Variants in TMPRSS11D observed in about 807,000 individuals in gnomAD.
The protein encoded by TMPRSS11D is transmembrane serine protease 11D, also known as transmembrane protease serine 11D.
In TMPRSS11D, 32 loss-of-function variants were observed where a neutral mutation model predicts 44.4. That is an observed-to-expected ratio of 0.72 (90% CI 0.54 to 0.97). The LOEUF (loss-of-function observed/expected upper bound fraction) is 0.97, where lower values mean the gene tolerates loss of function less well. Ranked by LOEUF, TMPRSS11D falls within the 50% of genes least tolerant of loss-of-function variation. The pLI is 0.00. For missense variants in TMPRSS11D, 446 were observed against 502.6 expected, an observed-to-expected ratio of 0.89 and a Z score of 1.08; for synonymous variants, 179 against 177.9, an observed-to-expected ratio of 1.01 and a Z score of -0.05.
rs545420415 is a variant in TMPRSS11D at position 67,861,073 on chromosome 4, T to C, written c.9-1395A>G. ...ATTGACCATGTTCAAGCATGATCAC[T>C]TTTAAAAAGAGCATTTAAGTATATA... On this transcript the variant is annotated intron_variant, in intron 1 of 9. Coordinates refer to ENST00000283916, the MANE Select transcript of TMPRSS11D (RefSeq NM_004262.3). Among the ~76,000 whole-genome samples, 506 of 148,688 alleles carry C rather than the reference T, an allele frequency of 3.4e-3. 2 individuals are homozygous for C. Among genetic ancestry groups the C allele is most frequent in the African/African-American group, 0.012 (474 of 40,508 alleles).
At chr4:67,833,081 A>G in intron 7 of TMPRSS11D, 123 bp downstream of exon 7, 1 of 980,552 alleles carries the variant, frequency 1.0e-6, no homozygotes, top group Non-Finnish European at 1.3e-6. Flanking sequence ...TAGGAAGAAA[A>G]TTCTTACTGA....
Position 67,859,694 on chromosome 4 carries a change from G to T in TMPRSS11D, c.9-16C>A. On this transcript the variant is annotated splice_polypyrimidine_tract_variant and intron_variant, in intron 1 of 9. Transcript: ENST00000283916. ...ACGTGCTGGCCTTACAAGAGAGAGA[G>T]ATCAAAGAAAGTCATTCATTTCACT... 1.2e-6 allele frequency: 2 copies of T among 1,609,450 alleles called. No individual in the cohort carries two copies. The highest frequency in any genetic ancestry group is 1.1e-5 in the South Asian group (1 of 90,616).
At position 67,821,124 on chromosome 4, in the gene TMPRSS11D, C is replaced by T. The variant is rs1717623442; in HGVS notation, c.*1213G>A. ...TGACGCATAGATGATCATGCATAGG[C>T]AAACTTTAGCTGTACTAGGAGCTCA... is the stretch of plus-strand genomic sequence containing the variant. On this transcript the variant is annotated 3_prime_UTR_variant, in exon 10 of 10. Transcript: ENST00000283916. 6.6e-6 allele frequency: 1 copy of T among 152,202 alleles called. No individual in the cohort carries two copies. Among genetic ancestry groups the T allele is most frequent in the Admixed American group, 6.5e-5 (1 of 15,280 alleles). 9.4% of individuals were successfully genotyped at this position (152,202 alleles called of 1,614,324 possible). A position where few individuals can be genotyped will look rare whatever the true frequency, so the allele number is the denominator to read the frequency against.
At chr4:67,869,435 A>T (rs1288566412) in intron 1 of TMPRSS11D, among the ~76,000 whole-genome samples, 1 of 152,178 alleles carries the variant, frequency 6.6e-6, no homozygotes, top group Non-Finnish European at 1.5e-5. Context: ...TATATAATTT[A>T]TAATAATGTA....
At chr4:67,851,754 C>T (rs1355468185) in intron 3 of TMPRSS11D, among the ~76,000 whole-genome samples, 4 of 152,184 alleles carry the variant, frequency 2.6e-5, no homozygotes, top group Non-Finnish European at 4.4e-5. Context: ...CCAATGGCAC[C>T]ATTATCTACC....
chr4:67,857,150 A>C (rs1718657921), intron 2 of TMPRSS11D, among the ~76,000 whole-genome samples: 1 of 151,964 alleles, frequency 6.6e-6, no homozygotes, highest in East Asian at 1.9e-4. Context: ...CCAAAGGAAA[A>C]GAAATCACCA....
Position 67,827,356 on chromosome 4 carries a change from T to C in TMPRSS11D, c.857A>G (p.Lys286Arg). ...TGGGAGACACACACTATGGATATCT[T>C]TGGTAAAGGTGACACTGTTCTCAAG... Reference protein sequence around the residue: ...VRLENSVTFTKDIHSVCLPAA... With the variant: ...VRLENSVTFTRDIHSVCLPAA... The change falls in exon 8 of 10, where the codon AAA (lysine) becomes AGA (arginine). Residue 286 changes from lysine to arginine, a missense_variant. Coordinates refer to ENST00000283916, the MANE Select transcript of TMPRSS11D (RefSeq NM_004262.3). 6.2e-7 allele frequency: 1 copy of C among 1,613,344 alleles called. No individual in the cohort carries two copies.
chr4:67,859,684 A>C lies in TMPRSS11D; in HGVS notation c.9-6T>G. 1 of 1,612,054 alleles carries C rather than the reference A, an allele frequency of 6.2e-7. No individual in the cohort carries two copies. The highest frequency in any genetic ancestry group is 8.5e-7 in the Non-Finnish European group (1 of 1,178,682). Reference sequence around the variant, plus strand: ...TCGAAGTTACACGTGCTGGCCTTACAAGAGAGAGAGATCAAAGAAAGTCAT... The same window carrying C: ...TCGAAGTTACACGTGCTGGCCTTACCAGAGAGAGAGATCAAAGAAAGTCAT... On this transcript the variant is annotated splice_region_variant and splice_polypyrimidine_tract_variant and intron_variant, in intron 1 of 9. Transcript: ENST00000283916.
chr4:67,822,087 T>A lies in TMPRSS11D; in HGVS notation c.*250A>T, dbSNP rs1349773945. The A allele has an allele frequency of 2.6e-6, 1 of 385,914 alleles. No homozygotes were observed. Among genetic ancestry groups the A allele is most frequent in the African/African-American group, 2.0e-5 (1 of 49,876 alleles). The allele number at this position is 385,914 out of a possible 1,614,324, so 23.9% of individuals were successfully genotyped here. On this transcript the variant is annotated 3_prime_UTR_variant, in exon 10 of 10. Coordinates refer to ENST00000283916, the MANE Select transcript of TMPRSS11D (RefSeq NM_004262.3). ...ACAACTGTAATGAAATTGTTAACTT[T>A]GTAATTAGTTTAGTGTGTTTCTTCT...
intron 1 of TMPRSS11D, among the ~76,000 whole-genome samples, chr4:67,878,278 AT>A (rs1157018246): frequency 3.9e-5 from 6 of 152,206 alleles, no homozygotes; most frequent in African/African-American, 1.4e-4. Context: ...ACAAATCATA[AT>A]GAAATTACAT....
chr4:67,825,993 G>T (rs184360721), intron 8 of TMPRSS11D, 119 bp from the exon 9 acceptor site: 2 of 1,218,056 alleles, frequency 1.6e-6, no homozygotes, highest in Admixed American at 5.2e-5. Flanking sequence ...AACAATGAAG[G>T]CTTCTAAAGA....
intron 3 of TMPRSS11D, among the ~76,000 whole-genome samples, chr4:67,852,415 A>T (rs1290621458): frequency 6.6e-6 from 1 of 152,166 alleles, no homozygotes; most frequent in Admixed American, 6.5e-5. Flanking sequence ...TTTTTGATTT[A>T]GTATGTCTTG....
At chr4:67,857,458 G>A (rs1718679237) in intron 2 of TMPRSS11D, among the ~76,000 whole-genome samples, 1 of 151,744 alleles carries the variant, frequency 6.6e-6, no homozygotes, top group Non-Finnish European at 1.5e-5. Context: ...AGCACAGAAA[G>A]ACAAAATTAG....
intron 4 of TMPRSS11D, among the ~76,000 whole-genome samples, chr4:67,839,344 C>T (rs1351639389): frequency 1.3e-5 from 2 of 151,872 alleles, no homozygotes; most frequent in South Asian, 4.2e-4. Context: ...AATATGGAAG[C>T]CTAAATAATT....
intron 1 of TMPRSS11D, among the ~76,000 whole-genome samples, chr4:67,863,809 A>G (rs953558357): frequency 1.3e-5 from 2 of 152,110 alleles, no homozygotes; most frequent in South Asian, 2.1e-4. Flanking sequence ...GTATATACCA[A>G]TGATTTGTAA....
rs1308383590 is a variant in TMPRSS11D at position 67,835,092 on chromosome 4, G to A, written c.505C>T (p.Leu169Phe). 1.9e-6 allele frequency: 3 copies of A among 1,612,148 alleles called. No homozygotes were observed. The highest frequency in any genetic ancestry group is 2.5e-6 in the Non-Finnish European group (3 of 1,178,786). ...SLTDQAAANW[L>F]INECGAGPDL... ...TAATATTAAAACTTACCATTAATAA[G>A]CCAATTTGCTGCAGCCTGGTCAGTA... is the stretch of plus-strand genomic sequence containing the variant. The change falls in exon 6 of 10, where the codon CTT (leucine) becomes TTT (phenylalanine). Residue 169 changes from leucine (L) to phenylalanine (F), a missense_variant. Leu to Phe is a conservative substitution (Grantham distance 22, BLOSUM62 0). Coordinates refer to ENST00000283916, the MANE Select transcript of TMPRSS11D (RefSeq NM_004262.3).
chr4:67,873,810 G>A (rs1469884267), intron 1 of TMPRSS11D, among the ~76,000 whole-genome samples: 1 of 152,066 alleles, frequency 6.6e-6, no homozygotes, highest in Non-Finnish European at 1.5e-5. Context: ...GAAAAGTGGA[G>A]TGATTGTACT....
intron 4 of TMPRSS11D, among the ~76,000 whole-genome samples, chr4:67,839,980 C>A (rs547352242): frequency 1.5e-5 from 2 of 129,906 alleles, no homozygotes; most frequent in Admixed American, 8.2e-5. Flanking sequence ...ATCCCTCCCC[C>A]CTCCCCCGAC....
intron 1 of TMPRSS11D, among the ~76,000 whole-genome samples, chr4:67,870,764 A>G (rs1425768068): frequency 1.4e-5 from 2 of 147,906 alleles, no homozygotes; most frequent in Non-Finnish European, 3.0e-5. Context: ...CAGTGAGCGG[A>G]GATGGCGCCA....
Sources: gnomAD v4.1 joint callset for allele counts (sites outside exome capture counted in the v4.1 genomes callset) on GRCh38, gnomAD v4.1.1 for gene constraint, MANE v1.5 for transcripts, NCBI Gene and HGNC (gene_info 2026-07-23, HGNC 2026-07-21) for gene names.